MYO1D: variants seen among roughly 807,000 people sequenced by gnomAD.
MYO1D encodes the protein unconventional myosin-Id.
MYO1D carries 83 observed loss-of-function variants against 122.0 expected under a neutral mutation model. The observed-to-expected ratio is 0.68, with a 90% CI of 0.57 to 0.82. MYO1D has a LOEUF of 0.82. MYO1D is among the 40% of genes least tolerant of loss of function. The pLI is 0.00. For synonymous variants in MYO1D, 464 were observed against 446.9 expected, an observed-to-expected ratio of 1.04 and a Z score of -0.48; for missense variants, 1,157 against 1,269.5, an observed-to-expected ratio of 0.91 and a Z score of 1.35.
chr17:32,663,106 A>G (rs1203168493), intron 16 of MYO1D, among the ~76,000 whole-genome samples: 1 of 151,646 alleles, frequency 6.6e-6, no homozygotes, highest in Non-Finnish European at 1.5e-5. Context: ...TTTAGTAGAG[A>G]CGGGGTTTCA....
At chr17:32,840,732 T>A (rs1317587805) in intron 1 of MYO1D, among the ~76,000 whole-genome samples, 1 of 152,156 alleles carries the variant, frequency 6.6e-6, no homozygotes. Context: ...AGAAAGATGA[T>A]TTCATTTCAA....
chr17:32,868,762 T>A (rs2091152063), intron 1 of MYO1D, among the ~76,000 whole-genome samples: 1 of 152,206 alleles, frequency 6.6e-6, no homozygotes, highest in Non-Finnish European at 1.5e-5. Context: ...AAGCCTATGG[T>A]AAGAGAAGTA....
intron 1 of MYO1D, among the ~76,000 whole-genome samples, chr17:32,869,652 G>C (rs1009336459): frequency 9.2e-5 from 14 of 152,186 alleles, no homozygotes; most frequent in Non-Finnish European, 1.6e-4. Flanking sequence ...TCTCCACATA[G>C]AGCTAATATG....
chr17:32,760,877 A>G (rs1370728580), intron 8 of MYO1D, among the ~76,000 whole-genome samples: 1 of 151,848 alleles, frequency 6.6e-6, no homozygotes, highest in African/African-American at 2.4e-5. Flanking sequence ...TTCCAACGAC[A>G]CTCTCCAGGC....
chr17:32,588,480 C>T (rs569723874), intron 21 of MYO1D, among the ~76,000 whole-genome samples: 141 of 152,246 alleles, frequency 9.3e-4, no homozygotes, highest in Non-Finnish European at 1.8e-3. Flanking sequence ...ACTAAACCAA[C>T]CCAAGAGCCT....
intron 1 of MYO1D, among the ~76,000 whole-genome samples, chr17:32,808,808 G>T (rs2090543788): frequency 6.6e-6 from 1 of 152,120 alleles, no homozygotes. Flanking sequence ...AACTATGTCA[G>T]CACCCTAATA....
chr17:32,500,003 C>G (rs928320442), intron 21 of MYO1D, among the ~76,000 whole-genome samples: 2 of 152,092 alleles, frequency 1.3e-5, no homozygotes, highest in Admixed American at 1.3e-4. Flanking sequence ...AATAAACAAC[C>G]CTACAAGTTT....
chr17:32,562,990 G>C (rs2087139136), intron 21 of MYO1D, among the ~76,000 whole-genome samples: 1 of 152,036 alleles, frequency 6.6e-6, no homozygotes, highest in South Asian at 2.1e-4. Context: ...CCTCTCAGCA[G>C]CAATATATCA....
intron 1 of MYO1D, among the ~76,000 whole-genome samples, chr17:32,844,258 T>TATGTATATATCATATATG (rs2090912430): frequency 2.0e-5 from 3 of 147,166 alleles, no homozygotes; most frequent in Non-Finnish European, 4.5e-5. Flanking sequence ...TAATATATAA[T>TATGTATATATCATATATG]ATGTATATAT....
chr17:32,835,201 C>A (rs1203023756), intron 1 of MYO1D, among the ~76,000 whole-genome samples: 1 of 150,922 alleles, frequency 6.6e-6, no homozygotes, highest in African/African-American at 2.4e-5. Context: ...TTTGTTTTGC[C>A]AGATACCATA....
chr17:32,719,652 C>T (rs1437336984), intron 15 of MYO1D, among the ~76,000 whole-genome samples: 2 of 152,116 alleles, frequency 1.3e-5, no homozygotes, highest in Non-Finnish European at 2.9e-5. Flanking sequence ...GCCTGGCCAA[C>T]ATCTCCTTGC....
At position 32,841,209 on chromosome 17, in the gene MYO1D, A is replaced by C. The variant is rs80249331; in HGVS notation, c.95+35569T>G. Among the ~76,000 whole-genome samples the C allele has an allele frequency of 1.8e-4, 27 of 152,288 alleles. No individual in the cohort carries two copies. The East Asian group carries it at 2.1e-3, about 12-fold the overall frequency. ...AGGCCAGGCACAGTGGTTCACACCTATAATTCCAGAGCTTTGGGAGACCTA... is the reference window on the plus strand; with the variant it reads ...AGGCCAGGCACAGTGGTTCACACCTCTAATTCCAGAGCTTTGGGAGACCTA... On this transcript the variant is annotated intron_variant, in intron 1 of 21. Coordinates refer to ENST00000318217, the MANE Select transcript of MYO1D (RefSeq NM_015194.3).
intron 16 of MYO1D, among the ~76,000 whole-genome samples, chr17:32,663,218 T>C (rs551647251): frequency 2.0e-5 from 3 of 152,282 alleles, no homozygotes; most frequent in Admixed American, 6.5e-5. Flanking sequence ...CACCCGGCAA[T>C]TGTGCTACTT....
chr17:32,828,067 A>G (rs1177102393), intron 1 of MYO1D, among the ~76,000 whole-genome samples: 2 of 152,238 alleles, frequency 1.3e-5, no homozygotes, highest in African/African-American at 4.8e-5. Context: ...TGAAAGCACA[A>G]TGAAAAACAC....
chr17:32,554,734 GA>G (rs918786543), intron 21 of MYO1D, among the ~76,000 whole-genome samples: 4 of 151,746 alleles, frequency 2.6e-5, no homozygotes, highest in Non-Finnish European at 5.9e-5. Context: ...CACACCAAAA[GA>G]AAAAAAATCA....
rs181317358 is a variant in MYO1D, at chr17:32,603,778, G to C, written c.2864+1309C>G. 4.5e-3 allele frequency among the ~76,000 whole-genome samples: 692 copies of C among 152,216 alleles called. 3 individuals carry two copies. Among genetic ancestry groups the C allele is most frequent in the African/African-American group, 0.015 (631 of 41,530 alleles). ...CTGACCTCGTGATCCGCCCGCCTCA[G>C]CCTCCCAAAGTGCTGGGATTACAGG... On this transcript the variant is annotated intron_variant, in intron 21 of 21. Coordinates refer to ENST00000318217, the MANE Select transcript of MYO1D (RefSeq NM_015194.3).
chr17:32,540,724 G>A (rs961866288), intron 21 of MYO1D, among the ~76,000 whole-genome samples: 2 of 151,864 alleles, frequency 1.3e-5, no homozygotes, highest in South Asian at 2.1e-4. Context: ...TCAGGAGTTC[G>A]AGACCAGCCT....
intron 3 of MYO1D, among the ~76,000 whole-genome samples, chr17:32,777,791 G>A (rs1228966445): frequency 1.3e-5 from 2 of 152,070 alleles, no homozygotes; most frequent in African/African-American, 4.8e-5. Context: ...AAAATTAGCC[G>A]GGCGCAGTGG....
At chr17:32,531,265 T>C (rs1191855405) in intron 21 of MYO1D, 4 of 152,246 alleles carry the variant, frequency 2.6e-5, no homozygotes, top group Non-Finnish European at 5.9e-5. Flanking sequence ...TGGAGCTGCC[T>C]GTGACCAAGG....
Sources: gnomAD v4.1 joint callset for allele counts (sites outside exome capture counted in the v4.1 genomes callset) on GRCh38, gnomAD v4.1.1 for gene constraint, MANE v1.5 for transcripts, NCBI Gene and HGNC (gene_info 2026-07-23, HGNC 2026-07-21) for gene names.